MTMR14: variants seen among roughly 807,000 people sequenced by gnomAD.
MTMR14 encodes myotubularin related protein 14, also known as phosphatidylinositol-3,5-bisphosphate 3-phosphatase MTMR14.
MTMR14 carries 48 observed loss-of-function variants against 86.3 expected under a neutral mutation model. The observed-to-expected ratio is 0.56, with a 90% CI of 0.44 to 0.71. The LOEUF is 0.71. Ranked by LOEUF, MTMR14 falls within the 30% of genes least tolerant of loss-of-function variation. MTMR14 has a pLI of 0.00. For synonymous variants in MTMR14, 366 were observed against 326.1 expected (o/e 1.12, Z -1.32); for missense variants, 780 against 834.6 (o/e 0.93, Z 0.81).
At position 9,669,524 on chromosome 3, in the gene MTMR14, G is replaced by C. The variant is rs756791891; in HGVS notation, c.554+32G>C. On this transcript the variant is annotated intron_variant, in intron 5 of 18. Coordinates refer to ENST00000296003, the MANE Select transcript of MTMR14 (RefSeq NM_001077525.3). ...GCTGGGTTGCTGTGGTCAGGGGCTT[G>C]TGTTGGGGATGGGGTGTCTGGCCAG... is the stretch of plus-strand genomic sequence containing the variant. 5 of 1,604,318 alleles carry C rather than the reference G, an allele frequency of 3.1e-6. No homozygotes were observed. The African/African-American group carries it at 6.7e-5, about 21-fold the overall frequency.
chr3:9,652,289 A>G (rs1275238270), intron 1 of MTMR14, among the ~76,000 whole-genome samples: 2 of 152,184 alleles, frequency 1.3e-5, no homozygotes. Context: ...TCTTGATGTT[A>G]CAGTTCTTAT....
At chr3:9,666,985 A>T (rs981014362) in intron 3 of MTMR14, among the ~76,000 whole-genome samples, 25 of 152,232 alleles carry the variant, frequency 1.6e-4, no homozygotes, top group Admixed American at 1.6e-3. Flanking sequence ...GACTTGGCCA[A>T]CTTGTTTTTC....
At chr3:9,669,348 A>C (rs1021289763) in intron 4 of MTMR14, 84 bp from the exon 5 acceptor site, 47 of 1,396,344 alleles carry the variant, frequency 3.4e-5, no homozygotes, top group Non-Finnish European at 4.5e-5. Context: ...CCTTGGCACT[A>C]TGGGGAAGGA....
chr3:9,668,873 C>G, intron 4 of MTMR14, 79 bp downstream of exon 4: 1 of 1,435,396 alleles, frequency 7.0e-7, no homozygotes, highest in Non-Finnish European at 9.8e-7. Context: ...GGCGCCATGC[C>G]TCACGCCTGT....
intron 17 of MTMR14, among the ~76,000 whole-genome samples, chr3:9,695,917 CTT>C (rs1422285000): frequency 6.6e-6 from 1 of 152,176 alleles, no homozygotes; most frequent in African/African-American, 2.4e-5. Context: ...GGAGCTGTCT[CTT>C]TGATTTACAG....
chr3:9,677,220 C>CTGGG lies in MTMR14; in HGVS notation c.752-96_752-95insGGGT. 9.1e-7 allele frequency: 1 copy of CTGGG among 1,094,400 alleles called. No homozygotes were observed. The highest frequency in any genetic ancestry group is 1.4e-6 in the Non-Finnish European group (1 of 721,260). The allele number at this position is 1,094,400 out of a possible 1,614,324, so 67.8% of individuals were successfully genotyped here. A position where few individuals can be genotyped will look rare whatever the true frequency, so the allele number is the denominator to read the frequency against. On this transcript the variant is annotated intron_variant, in intron 7 of 18. Transcript: ENST00000296003. This position sits in a 1 kb window ranked among gnomAD's most constrained non-coding sequence, Gnocchi z 4.2. ...TGGAGAAGTGTGAGTTGGCGGCCCC[C>CTGGG]TCTCCACAGCACTCAGGGACCTGGG...
intron 9 of MTMR14, among the ~76,000 whole-genome samples, chr3:9,678,717 ACTTCC>A (rs1285105196): frequency 6.6e-6 from 1 of 152,126 alleles, no homozygotes; most frequent in Non-Finnish European, 1.5e-5. Flanking sequence ...CTTCAGGAAG[ACTTCC>A]CTGATCTGCC....
At chr3:9,668,878 G>A (rs1270881414) in intron 4 of MTMR14, 84 bp downstream of exon 4, 118 of 1,394,310 alleles carry the variant, frequency 8.5e-5, no homozygotes, top group Non-Finnish European at 1.2e-4. Flanking sequence ...CATGCCTCAC[G>A]CCTGTAATCT....
At chr3:9,656,684 G>C (rs1368915030) in intron 2 of MTMR14, among the ~76,000 whole-genome samples, 1 of 152,174 alleles carries the variant, frequency 6.6e-6, no homozygotes, top group Non-Finnish European at 1.5e-5. Flanking sequence ...CTCCCAAAGT[G>C]CTGGATTACA....
intron 9 of MTMR14, 122 bp from the exon 10 acceptor site, chr3:9,683,056 G>C (rs2075822978): frequency 2.5e-6 from 2 of 788,416 alleles, no homozygotes; most frequent in Non-Finnish European, 4.1e-6. Context: ...CAAAACCTAT[G>C]GTCTGTAACC....
intron 1 of MTMR14, chr3:9,650,245 A>C (rs558351327): frequency 2.2e-6 from 1 of 450,562 alleles, no homozygotes; most frequent in East Asian, 7.0e-5. Context: ...TAGAGCAGGA[A>C]GACAACCCAC....
chr3:9,667,844 A>G (rs1465540756), intron 3 of MTMR14, among the ~76,000 whole-genome samples: 2 of 152,170 alleles, frequency 1.3e-5, no homozygotes, highest in Non-Finnish European at 2.9e-5. Context: ...GCAATCTTCC[A>G]GGGATCCACT....
At chr3:9,657,111 C>G (rs1447293533) in intron 2 of MTMR14, among the ~76,000 whole-genome samples, 1 of 151,894 alleles carries the variant, frequency 6.6e-6, no homozygotes, top group South Asian at 2.1e-4. Flanking sequence ...GACCAGGTCT[C>G]GCTGCATTGC....
chr3:9,702,156 C>G lies in MTMR14; in HGVS notation c.*183C>G. 1 of 735,544 alleles carries G rather than the reference C, an allele frequency of 1.4e-6. No homozygotes were observed. The highest frequency in any genetic ancestry group is 2.3e-6 in the Non-Finnish European group (1 of 434,238). The allele number at this position is 735,544 out of a possible 1,614,324, so 45.6% of individuals were successfully genotyped here. On this transcript the variant is annotated 3_prime_UTR_variant, in exon 19 of 19. Transcript: ENST00000296003. The stretch of plus-strand genomic sequence containing the variant: ...AAGACAGGGTTTTCCAACCCCCAGC[C>G]TCTTGACTGGTGACCACCACCCCTT...
chr3:9,656,026 A>G (rs750918365), intron 2 of MTMR14, among the ~76,000 whole-genome samples: 2 of 151,730 alleles, frequency 1.3e-5, no homozygotes, highest in African/African-American at 4.8e-5. Flanking sequence ...GAAACCCCGT[A>G]TCTACTAAAT....
At chr3:9,690,223 C>G (rs1310638064) in intron 17 of MTMR14, 80 bp downstream of exon 17, 1 of 1,488,626 alleles carries the variant, frequency 6.7e-7, no homozygotes, top group East Asian at 2.3e-5. Context: ...GGGCCAGCAC[C>G]TGAGCTAGGG....
At chr3:9,671,414 GTC>G (rs1326857408) in intron 6 of MTMR14, among the ~76,000 whole-genome samples, 10 of 152,314 alleles carry the variant, frequency 6.6e-5, no homozygotes, top group African/African-American at 2.4e-4. Flanking sequence ...GCAGCCATCA[GTC>G]TCTACCCAGT....
At chr3:9,662,233 T>A (rs2047982506) in intron 2 of MTMR14, 34 bp from the exon 3 acceptor site, 1 of 1,585,476 alleles carries the variant, frequency 6.3e-7, no homozygotes, top group Non-Finnish European at 8.7e-7. Flanking sequence ...CACTTCAAAG[T>A]CAGCTTGACC....
rs1398044284 is a variant in MTMR14 at position 9,701,728 on chromosome 3, A to T, written c.1770-62A>T. 1 of 1,511,272 alleles carries T rather than the reference A, an allele frequency of 6.6e-7. No individual in the cohort carries two copies. The highest frequency in any genetic ancestry group is 9.1e-7 in the Non-Finnish European group (1 of 1,095,732). The allele number at this position is 1,511,272 out of a possible 1,614,324, so 93.6% of individuals were successfully genotyped here. A position where few individuals can be genotyped will look rare whatever the true frequency, so the allele number is the denominator to read the frequency against. ...GACAGGTGGTATGGAGGGAGGGAGG[A>T]TGAGGATACTGGGTCCTGTCCCAGG... On this transcript the variant is annotated intron_variant, in intron 18 of 18. Coordinates refer to ENST00000296003, the MANE Select transcript of MTMR14 (RefSeq NM_001077525.3). The surrounding 1 kb of genome is among the most constrained non-coding windows in gnomAD (Gnocchi z 4.2).
Sources: allele counts gnomAD v4.1 joint callset (sites outside exome capture counted in the v4.1 genomes callset), GRCh38; gene constraint gnomAD v4.1.1; non-coding constraint Gnocchi (gnomAD v3.1); transcripts MANE v1.5; gene names NCBI Gene and HGNC (gene_info 2026-07-23, HGNC 2026-07-21).